The following UBR1 variants were observed in gnomAD, a reference collection of about 807,000 sequenced individuals.
UBR1 encodes the protein ubiquitin protein ligase E3 component n-recognin 1.
A neutral mutation model predicts 242.1 loss-of-function variants in UBR1; 102 were observed. The observed-to-expected ratio is 0.42, with a 90% CI of 0.36 to 0.50. The LOEUF is 0.50. Among genes scored for constraint, UBR1 ranks in the 20% least tolerant of loss-of-function variants. The pLI is 0.01. For missense variants in UBR1, 1,772 were observed against 2,101.8 expected, an observed-to-expected ratio of 0.84 and a Z score of 3.07; for synonymous variants, 675 against 684.8, an observed-to-expected ratio of 0.99 and a Z score of 0.22.
chr15:42,980,571 T>C (rs570796038), intron 37 of UBR1, among the ~76,000 whole-genome samples: 7 of 152,178 alleles, frequency 4.6e-5, no homozygotes, highest in South Asian at 2.1e-4. Flanking sequence ...GCAGTGAGCA[T>C]TGTATGTCCT....
At chr15:43,033,032 A>T (rs897202326) in intron 19 of UBR1, among the ~76,000 whole-genome samples, 1 of 152,224 alleles carries the variant, frequency 6.6e-6, no homozygotes, top group Admixed American at 6.5e-5. Context: ...CTATGAAATC[A>T]GATACTGATT....
chr15:42,963,787 A>G, intron 42 of UBR1, 148 bp downstream of exon 42: 1 of 613,026 alleles, frequency 1.6e-6, no homozygotes, highest in Admixed American at 2.5e-5. Context: ...TCTTATCCCC[A>G]CTTCTTAAGT....
intron 46 of UBR1, among the ~76,000 whole-genome samples, chr15:42,946,343 G>C (rs968421612): frequency 6.6e-6 from 1 of 152,088 alleles, no homozygotes; most frequent in African/African-American, 2.4e-5. Context: ...GGCCAGGCTA[G>C]TCTCGAACTC....
rs1485579827 is a variant in UBR1 at position 43,026,568 on chromosome 15, T to C, written c.2528A>G (p.His843Arg). 1 of 1,612,880 alleles carries C rather than the reference T, an allele frequency of 6.2e-7. No individual in the cohort carries two copies. The highest frequency in any genetic ancestry group is 1.7e-5 in the Admixed American group (1 of 60,006). Residue 843 changes from histidine (H) to arginine (R), a missense_variant, in exon 23 of 47, where the codon CAT (histidine) becomes CGT (arginine). By Grantham distance (29) the His-to-Arg change is conservative (BLOSUM62 0). Coordinates refer to ENST00000290650, the MANE Select transcript of UBR1 (RefSeq NM_174916.3). ...MYFYHYSKTQHSKAEHMQKKR... is the reference protein window; with the variant it reads ...MYFYHYSKTQRSKAEHMQKKR... ...AAGGATACTTTTTTCTACCTTGCTA[T>C]GCTGGGTTTTGGAGTAATGATAAAA...
At chr15:43,021,061 T>C (rs1217671668) in intron 27 of UBR1, 7 of 454,192 alleles carry the variant, frequency 1.5e-5, no homozygotes, top group Middle Eastern at 6.5e-4. Flanking sequence ...TTCAGTAAAG[T>C]TGACTAAATA....
chr15:42,979,588 T>C (rs943243387), intron 37 of UBR1, among the ~76,000 whole-genome samples: 10 of 152,020 alleles, frequency 6.6e-5, no homozygotes, highest in African/African-American at 2.4e-4. Context: ...TCTCACTCTG[T>C]CCCCCAGGCT....
At chr15:43,042,319 T>C (rs1002679819) in intron 15 of UBR1, among the ~76,000 whole-genome samples, 4 of 152,128 alleles carry the variant, frequency 2.6e-5, no homozygotes, top group African/African-American at 9.7e-5. Flanking sequence ...CAAAATGTGG[T>C]ATATTCATAC....
At chr15:43,005,350 G>A (rs2032800233) in intron 30 of UBR1, among the ~76,000 whole-genome samples, 1 of 149,750 alleles carries the variant, frequency 6.7e-6, no homozygotes, top group Non-Finnish European at 1.5e-5. Flanking sequence ...CCCCCGCCTG[G>A]CCAGCCGCCC....
rs375465555 is a variant in UBR1, at chr15:43,021,329, G to C, written c.2886C>G (p.Leu962=). 3 of 1,613,596 alleles carry C rather than the reference G, an allele frequency of 1.9e-6. No homozygotes were observed. The East Asian group carries it at 6.7e-5, about 36-fold the overall frequency. ...GGCCTTCTAACTGGGGAATTCCTTT[G>C]AGTTTTTCCAAAAGCATTTGTATAT... ...AMNIQMLLEK[L]KGIPQLEGQK... Residue 962 remains leucine (L), a synonymous_variant, in exon 27 of 47, where the codon CTC becomes CTG. Coordinates refer to ENST00000290650, the MANE Select transcript of UBR1 (RefSeq NM_174916.3).
chr15:43,009,437 C>T (rs934166334), intron 29 of UBR1, among the ~76,000 whole-genome samples: 14 of 152,238 alleles, frequency 9.2e-5, no homozygotes, highest in African/African-American at 3.4e-4. Flanking sequence ...CCCCTGGTCA[C>T]TCCACACCTG....
chr15:42,988,815 T>C lies in UBR1; in HGVS notation c.3997+4A>G. On this transcript the variant is annotated splice_donor_region_variant and intron_variant, in intron 35 of 46. Transcript: ENST00000290650. ...CTCCAAACCAGTTTTCTTATGAGCT[T>C]TACCAATTGCCTGGATAGTGAAAGC... 1 of 1,614,174 alleles carries C rather than the reference T, an allele frequency of 6.2e-7. No homozygotes were observed. Among genetic ancestry groups the C allele is most frequent in the Non-Finnish European group, 8.5e-7 (1 of 1,180,036 alleles).
At chr15:42,974,738 G>T (rs572934835) in intron 39 of UBR1, among the ~76,000 whole-genome samples, 1 of 151,874 alleles carries the variant, frequency 6.6e-6, no homozygotes, top group South Asian at 2.1e-4. Context: ...CCTCCCAAAC[G>T]GCTGGGACTA....
intron 6 of UBR1, among the ~76,000 whole-genome samples, chr15:43,060,679 T>C (rs1227357154): frequency 3.3e-5 from 5 of 152,192 alleles, no homozygotes; most frequent in African/African-American, 1.2e-4. Context: ...GTCTTCCTCA[T>C]TTAACCTTTA....
chr15:42,945,016 T>A lies in UBR1; in HGVS notation c.*313A>T. ...AGAGTTAACCAACATATAAAATGTC[T>A]ACAACTGTTTGACGTGACTTCATCT... On this transcript the variant is annotated 3_prime_UTR_variant, in exon 47 of 47. Coordinates refer to ENST00000290650, the MANE Select transcript of UBR1 (RefSeq NM_174916.3). The A allele has an allele frequency of 2.7e-6, 1 of 368,134 alleles. No homozygotes were observed. The highest frequency in any genetic ancestry group is 5.2e-6 in the Non-Finnish European group (1 of 192,472). The allele number at this position is 368,134 out of a possible 1,614,324, so 22.8% of individuals were successfully genotyped here.
intron 27 of UBR1, among the ~76,000 whole-genome samples, chr15:43,018,646 T>G (rs1334914183): frequency 1.3e-5 from 2 of 152,044 alleles, no homozygotes; most frequent in Admixed American, 6.5e-5. Flanking sequence ...CCACCTTAGC[T>G]TCCCAAAGTG....
chr15:42,965,713 C>T (rs2032095182), intron 41 of UBR1, among the ~76,000 whole-genome samples: 2 of 152,104 alleles, frequency 1.3e-5, no homozygotes, highest in South Asian at 2.1e-4. Flanking sequence ...GTGATCCACC[C>T]GCCTCGGCCT....
At chr15:43,085,920 CAAA>C (rs77056940) in intron 2 of UBR1, 61 bp downstream of exon 2, 5,127 of 1,223,090 alleles carry the variant, frequency 4.2e-3, no homozygotes, top group Middle Eastern at 7.1e-3. Flanking sequence ...GACTCTGTTT[CAAA>C]AAAAAAAAAA....
intron 14 of UBR1, among the ~76,000 whole-genome samples, chr15:43,046,228 A>G (rs1454047523): frequency 6.6e-6 from 1 of 152,194 alleles, no homozygotes; most frequent in Non-Finnish European, 1.5e-5. Context: ...GCTGGACAGT[A>G]TTTCCTGTGG....
chr15:43,063,308 T>C (rs986688776), intron 6 of UBR1, among the ~76,000 whole-genome samples: 25 of 152,210 alleles, frequency 1.6e-4, no homozygotes, highest in Non-Finnish European at 2.2e-4. Flanking sequence ...CCGTTCCATA[T>C]GAAAACCGAC....
Sources: allele counts gnomAD v4.1 joint callset (sites outside exome capture counted in the v4.1 genomes callset), GRCh38; gene constraint gnomAD v4.1.1; transcripts MANE v1.5; gene names NCBI Gene and HGNC (gene_info 2026-07-23, HGNC 2026-07-21).